The following CHIC2 variants were observed in gnomAD, a reference collection of about 807,000 sequenced individuals.
CHIC2 encodes the protein cysteine-rich hydrophobic domain-containing protein 2.
Under a neutral mutation model 25.9 loss-of-function variants are expected in CHIC2, and 14 were observed. That is an observed-to-expected ratio of 0.54 (90% CI 0.36 to 0.85). CHIC2 has a LOEUF of 0.85. Ranked by LOEUF, CHIC2 falls within the 40% of genes least tolerant of loss-of-function variation. The pLI, the probability that CHIC2 is intolerant of heterozygous loss-of-function variation, is 0.01. For missense variants in CHIC2, 146 were observed against 202.0 expected (o/e 0.72, Z 1.68); for synonymous variants, 70 against 72.0 (o/e 0.97, Z 0.14).
At chr4:54,090,143 G>A in the CHIC2 span, among the ~76,000 whole-genome samples, 1,024 of 151,858 alleles carry the variant, frequency 6.7e-3, 14 homozygotes, top group African/African-American at 0.023. Context: ...TCTAATGAAG[G>A]ATACTCAATC....
At position 54,034,742 on chromosome 4, in the gene CHIC2, C is replaced by G. The variant is rs1413886024; in HGVS notation, c.330+14213G>C. Among the ~76,000 whole-genome samples, 3 of 152,094 alleles carry G rather than the reference C, an allele frequency of 2.0e-5. 1 individual carries two copies. The highest frequency in any genetic ancestry group is 6.6e-5 in the Admixed American group (1 of 15,260). On this transcript the variant is annotated intron_variant, in intron 3 of 5. Transcript: ENST00000263921. ...TTACTATACTTGTTGCTTTTTCTTG[C>G]CTTACTGCCCTGGCTAGAATCTCCA...
intron 3 of CHIC2, among the ~76,000 whole-genome samples, chr4:54,046,005 A>T (rs1279011030): frequency 2.0e-5 from 3 of 152,040 alleles, no homozygotes. Flanking sequence ...ATACACCAAT[A>T]ACAGACAAAC....
At chr4:54,046,228 C>G (rs778157258) in intron 3 of CHIC2, among the ~76,000 whole-genome samples, 1 of 152,064 alleles carries the variant, frequency 6.6e-6, no homozygotes, top group Non-Finnish European at 1.5e-5. Context: ...ACACTGCCCA[C>G]GGTAATTTAT....
chr4:54,077,059 G>A, the CHIC2 span, among the ~76,000 whole-genome samples: 1 of 152,152 alleles, frequency 6.6e-6, no homozygotes, highest in Admixed American at 6.5e-5. Context: ...GCTAATTATA[G>A]TACTCATTCA....
At chr4:54,039,491 A>G (rs1441877533) in intron 3 of CHIC2, among the ~76,000 whole-genome samples, 1 of 152,208 alleles carries the variant, frequency 6.6e-6, no homozygotes, top group Non-Finnish European at 1.5e-5. Context: ...TCATGAGGGT[A>G]ATGCAAATTA....
At chr4:54,034,785 A>G (rs1339697174) in intron 3 of CHIC2, among the ~76,000 whole-genome samples, 1 of 152,202 alleles carries the variant, frequency 6.6e-6, no homozygotes, top group East Asian at 1.9e-4. Context: ...ATTGATTAGT[A>G]GTAGTGAGAA....
At chr4:54,064,760 C>G, upstream of CHIC2, 1 of 564,394 alleles carries the variant, frequency 1.8e-6, no homozygotes, top group Non-Finnish European at 2.2e-6. The surrounding 1 kb of genome is among the most constrained non-coding windows in gnomAD (Gnocchi z 4.2). Context: ...CTCGCGCGCT[C>G]CCAGGCCACC....
chr4:54,074,352 A>C, the CHIC2 span, among the ~76,000 whole-genome samples: 5 of 152,164 alleles, frequency 3.3e-5, no homozygotes, highest in Non-Finnish European at 5.9e-5. Flanking sequence ...CCCTGAATGC[A>C]TGCTGAGAAA....
chr4:54,079,384 G>T, the CHIC2 span, among the ~76,000 whole-genome samples: 1 of 151,916 alleles, frequency 6.6e-6, no homozygotes, highest in Non-Finnish European at 1.5e-5. Flanking sequence ...GATACCAAAA[G>T]TACAGGCAAT....
At chr4:54,025,018 A>G (rs576131273) in intron 3 of CHIC2, among the ~76,000 whole-genome samples, 1 of 152,210 alleles carries the variant, frequency 6.6e-6, no homozygotes, top group African/African-American at 2.4e-5. Flanking sequence ...AACATCGTCC[A>G]TTATGTCTCC....
At chr4:54,011,320 A>G (rs575067171) in intron 5 of CHIC2, among the ~76,000 whole-genome samples, 6 of 152,064 alleles carry the variant, frequency 3.9e-5, no homozygotes, top group Non-Finnish European at 7.4e-5. Flanking sequence ...ATCCTGCACT[A>G]AGGCTTAGCT....
chr4:54,047,614 A>G (rs1577981185), intron 3 of CHIC2, among the ~76,000 whole-genome samples: 1 of 139,658 alleles, frequency 7.2e-6, no homozygotes, highest in East Asian at 2.3e-4. Context: ...ACACATGGAC[A>G]CAGGAAGGGG....
At chr4:54,013,766 A>G (rs1295433410) in intron 5 of CHIC2, 71 bp downstream of exon 5, 2 of 1,479,980 alleles carry the variant, frequency 1.4e-6, no homozygotes, top group Non-Finnish European at 1.9e-6. Context: ...ATAATCATGG[A>G]AAGAATAAGA....
chr4:54,038,393 T>C (rs1451993300), intron 3 of CHIC2, among the ~76,000 whole-genome samples: 1 of 152,056 alleles, frequency 6.6e-6, no homozygotes, highest in Non-Finnish European at 1.5e-5. Flanking sequence ...CCCAAAGAAA[T>C]ACTTATGTAT....
chr4:54,009,913 C>T lies in CHIC2; in HGVS notation c.*182G>A, dbSNP rs1715524596. 1 of 425,884 alleles carries T rather than the reference C, an allele frequency of 2.3e-6. No individual in the cohort carries two copies. The highest frequency in any genetic ancestry group is 4.3e-5 in the Admixed American group (1 of 23,306). 26.4% of individuals were successfully genotyped at this position (425,884 alleles called of 1,614,324 possible). On this transcript the variant is annotated 3_prime_UTR_variant, in exon 6 of 6. Transcript: ENST00000263921. ...AAACATCTGTATGAAATAACTGTTG[C>T]AAAGATTGACAAAAATGCACACTTA...
chr4:54,066,834 A>G (rs1347475032), upstream of CHIC2, among the ~76,000 whole-genome samples: 2 of 152,164 alleles, frequency 1.3e-5, no homozygotes, highest in Admixed American at 6.5e-5. Flanking sequence ...AAGAAAGAGA[A>G]TAAGAGGAAA....
At chr4:54,024,100 C>G (rs766183873) in intron 3 of CHIC2, among the ~76,000 whole-genome samples, 14 of 152,206 alleles carry the variant, frequency 9.2e-5, no homozygotes, top group Non-Finnish European at 2.1e-4. Context: ...GTCAGTCACT[C>G]CCACCTACTC....
intron 1 of CHIC2, among the ~76,000 whole-genome samples, chr4:54,061,872 G>C (rs888496776): frequency 6.6e-6 from 1 of 152,108 alleles, no homozygotes; most frequent in Non-Finnish European, 1.5e-5. Flanking sequence ...GCTTAGAAAT[G>C]GAAAAATAAG....
intron 3 of CHIC2, among the ~76,000 whole-genome samples, chr4:54,017,884 T>G (rs1715786898): frequency 1.3e-5 from 2 of 152,194 alleles, no homozygotes; most frequent in African/African-American, 4.8e-5. Flanking sequence ...GTGGTTATAT[T>G]TTTCTCATTG....
Sources: gnomAD v4.1 joint callset for allele counts (sites outside exome capture counted in the v4.1 genomes callset) on GRCh38, gnomAD v4.1.1 for gene constraint, Gnocchi (gnomAD v3.1) non-coding constraint, MANE v1.5 for transcripts, NCBI Gene and HGNC (gene_info 2026-07-23, HGNC 2026-07-21) for gene names.